Variants in ARHGAP6 observed in about 807,000 individuals in gnomAD.
ARHGAP6 encodes Rho GTPase activating protein 6.
A neutral mutation model predicts 55.7 loss-of-function variants in ARHGAP6; 16 were observed. The ratio of observed to expected loss-of-function variants is 0.29; its 90% CI spans 0.19 to 0.44. The LOEUF (loss-of-function observed/expected upper bound fraction) is 0.44, where lower values mean the gene tolerates loss of function less well. Among genes scored for constraint, ARHGAP6 ranks in the 20% least tolerant of loss-of-function variants. The pLI, the probability that ARHGAP6 is intolerant of heterozygous loss-of-function variation, is 1.00. For missense variants in ARHGAP6, 698 were observed against 808.9 expected (o/e 0.86, Z 1.66); for synonymous variants, 382 against 360.9 (o/e 1.06, Z -0.66).
chrX:11,166,392 C>T (rs769331259), intron 9 of ARHGAP6, among the ~76,000 whole-genome samples: 5 of 111,941 alleles, frequency 4.5e-5, no homozygotes, highest in Non-Finnish European at 7.5e-5. Flanking sequence ...CCTCCCTTTC[C>T]GAGCTCTTAA....
chrX:11,176,714 T>C (rs1406493578), intron 8 of ARHGAP6, among the ~76,000 whole-genome samples: 3 of 111,076 alleles, frequency 2.7e-5, no homozygotes, highest in Admixed American at 9.6e-5. Flanking sequence ...CTGTAGTTGA[T>C]AGAGGTTGGC....
intron 1 of ARHGAP6, among the ~76,000 whole-genome samples, chrX:11,509,549 A>T (rs113745240): frequency 8.9e-6 from 1 of 111,959 alleles, no homozygotes; most frequent in Non-Finnish European, 1.9e-5. Flanking sequence ...CTCCTAGCCT[A>T]TCAGGTGGAC....
At chrX:11,347,997 T>C (rs140609319) in intron 1 of ARHGAP6, among the ~76,000 whole-genome samples, 3 of 112,126 alleles carry the variant, frequency 2.7e-5, no homozygotes, top group East Asian at 5.6e-4. Flanking sequence ...GTTTTCTTCA[T>C]AGTGAAGAGA....
chrX:11,616,526 C>T (rs1197490839), intron 1 of ARHGAP6, among the ~76,000 whole-genome samples: 1 of 110,687 alleles, frequency 9.0e-6, no homozygotes, highest in East Asian at 2.8e-4. Context: ...CGGGTTTTCA[C>T]CATGTTGGCC....
chrX:11,212,863 G>C, intron 2 of ARHGAP6, among the ~76,000 whole-genome samples: 1 of 112,366 alleles, frequency 8.9e-6, no homozygotes, highest in Middle Eastern at 4.7e-3. Context: ...GACACCACGA[G>C]GCTCCTCTGA....
At chrX:11,528,644 G>A (rs757721768) in intron 1 of ARHGAP6, among the ~76,000 whole-genome samples, 92 of 111,894 alleles carry the variant, frequency 8.2e-4, no homozygotes, top group Non-Finnish European at 1.5e-3. Flanking sequence ...TAAATTTCAA[G>A]GCTTCTAAAA....
chrX:11,465,945 CCTCCTCCTCCTCTTCCTT>C (rs1556022951), intron 1 of ARHGAP6, among the ~76,000 whole-genome samples: 1 of 110,093 alleles, frequency 9.1e-6, no homozygotes, highest in African/African-American at 3.3e-5. Flanking sequence ...TCCTCCTCTT[CCTCCTCCTCCTCTTCCTT>C]CTCCTCCTCC....
At chrX:11,401,825 T>G (rs757960677) in intron 1 of ARHGAP6, among the ~76,000 whole-genome samples, 24 of 112,706 alleles carry the variant, frequency 2.1e-4, no homozygotes, top group Non-Finnish European at 3.9e-4. Context: ...TAAAACCATA[T>G]GATTGTATAT....
At chrX:11,208,074 G>A (rs763455043) in intron 2 of ARHGAP6, among the ~76,000 whole-genome samples, 1 of 111,963 alleles carries the variant, frequency 8.9e-6, no homozygotes, top group African/African-American at 3.2e-5. Flanking sequence ...GCAGGTTGTT[G>A]AGAAACACCT....
At chrX:11,636,958 A>G (rs1267950671) in intron 1 of ARHGAP6, among the ~76,000 whole-genome samples, 1 of 111,589 alleles carries the variant, frequency 9.0e-6, no homozygotes, top group Non-Finnish European at 1.9e-5. Context: ...AGAAAATTTT[A>G]GGCCATGATC....
At chrX:11,493,816 C>T (rs1312415629) in intron 1 of ARHGAP6, among the ~76,000 whole-genome samples, 1 of 105,429 alleles carries the variant, frequency 9.5e-6, no homozygotes, top group South Asian at 4.3e-4. Flanking sequence ...TGTAAGATTT[C>T]CCATACAAAA....
rs779464243 is a variant in ARHGAP6, at chrX:11,398,800, TGA to T, written c.589-144095_589-144094del. Among the ~76,000 whole-genome samples the T allele has an allele frequency of 2.2e-3, 246 of 111,811 alleles. 1 individual carries two copies. Among genetic ancestry groups the T allele is most frequent in the African/African-American group, 7.6e-3 (233 of 30,784 alleles). The stretch of plus-strand genomic sequence containing the variant: ...GTCCTAATTTCTCCAAAACACTGAA[TGA>T]GAGTTGCAGAAAGACAAACATAAAA... On this transcript the variant is annotated intron_variant, in intron 1 of 12. Transcript: ENST00000337414.
At chrX:11,551,295 T>C (rs1448864027) in intron 1 of ARHGAP6, among the ~76,000 whole-genome samples, 1 of 111,905 alleles carries the variant, frequency 8.9e-6, no homozygotes, top group Non-Finnish European at 1.9e-5. Flanking sequence ...TATATTCTAC[T>C]GAAGGAACCA....
chrX:11,170,697 G>T (rs900149197), intron 8 of ARHGAP6, among the ~76,000 whole-genome samples: 2 of 111,269 alleles, frequency 1.8e-5, no homozygotes, highest in African/African-American at 6.6e-5. Context: ...AGTTACGGAG[G>T]GGGTGAAGAG....
intron 1 of ARHGAP6, among the ~76,000 whole-genome samples, chrX:11,590,802 A>T (rs1178977092): frequency 2.4e-5 from 1 of 40,926 alleles, no homozygotes; most frequent in Non-Finnish European, 3.8e-5. Context: ...AAAAGAAAAG[A>T]AAAGAAAAGA....
chrX:11,399,373 A>C (rs2049519958), intron 1 of ARHGAP6, among the ~76,000 whole-genome samples: 1 of 109,241 alleles, frequency 9.2e-6, no homozygotes, highest in East Asian at 2.8e-4. Flanking sequence ...AAAAAAAAAA[A>C]AAAACCACTG....
intron 1 of ARHGAP6, among the ~76,000 whole-genome samples, chrX:11,427,168 C>A (rs1160339878): frequency 9.0e-6 from 1 of 111,275 alleles, no homozygotes; most frequent in Non-Finnish European, 1.9e-5. Context: ...TGCCTCCTGT[C>A]CAGTCTTATT....
At chrX:11,590,068 G>A (rs1197290410) in intron 1 of ARHGAP6, among the ~76,000 whole-genome samples, 2 of 111,370 alleles carry the variant, frequency 1.8e-5, no homozygotes, top group Non-Finnish European at 3.8e-5. Flanking sequence ...GGGAGAATAA[G>A]GGAAAACACA....
At chrX:11,503,045 G>A (rs1010577128) in intron 1 of ARHGAP6, among the ~76,000 whole-genome samples, 5 of 110,453 alleles carry the variant, frequency 4.5e-5, no homozygotes, top group Admixed American at 1.9e-4. Context: ...ACAGACGTGC[G>A]CCACCACGTC....
Sources: allele counts gnomAD v4.1 joint callset (sites outside exome capture counted in the v4.1 genomes callset), GRCh38; gene constraint gnomAD v4.1.1; transcripts MANE v1.5; gene names NCBI Gene and HGNC (gene_info 2026-07-23, HGNC 2026-07-21).